Variants in MECOM observed in about 807,000 individuals in gnomAD.
MECOM encodes MDS1 and EVI1 complex locus.
A neutral mutation model predicts 116.3 loss-of-function variants in MECOM; 13 were observed. The observed-to-expected ratio is 0.11, with a 90% CI of 0.07 to 0.18. MECOM has a LOEUF of 0.18. MECOM is among the 10% of genes least tolerant of loss of function. The pLI is 1.00. For missense variants in MECOM, 1,299 were observed against 1,509.0 expected (o/e 0.86, Z 2.31); for synonymous variants, 528 against 535.2 (o/e 0.99, Z 0.19).
At chr3:169,123,802 A>G (rs752503891) in intron 5 of MECOM, among the ~76,000 whole-genome samples, 7 of 152,110 alleles carry the variant, frequency 4.6e-5, no homozygotes, top group Non-Finnish European at 7.4e-5. Context: ...ATGCCCACTG[A>G]CCAAAGGTGG....
At chr3:169,319,374 T>C (rs1035102509) in intron 2 of MECOM, among the ~76,000 whole-genome samples, 1 of 150,878 alleles carries the variant, frequency 6.6e-6, no homozygotes, top group Non-Finnish European at 1.5e-5. Flanking sequence ...AGTTGAACAA[T>C]GAGAACACAT....
intron 1 of MECOM, chr3:169,614,722 C>T (rs530289290): frequency 1.3e-5 from 2 of 151,764 alleles, no homozygotes; most frequent in East Asian, 1.9e-4. Context: ...AAAAAAAAGA[C>T]GGTCTCTCAC....
At chr3:169,577,228 C>T (rs1457216653) in intron 1 of MECOM, among the ~76,000 whole-genome samples, 1 of 152,194 alleles carries the variant, frequency 6.6e-6, no homozygotes, top group East Asian at 1.9e-4. Flanking sequence ...AAACTTAGTA[C>T]AGTGCCCAGC....
At chr3:169,167,522 T>C (rs140486489) in intron 2 of MECOM, among the ~76,000 whole-genome samples, 72 of 152,334 alleles carry the variant, frequency 4.7e-4, no homozygotes, top group African/African-American at 1.7e-3. Flanking sequence ...TTCTACACAA[T>C]AAACAACTCC....
chr3:169,576,830 C>CAGAGAG (rs1473772019), intron 1 of MECOM, among the ~76,000 whole-genome samples: 1 of 97,328 alleles, frequency 1.0e-5, no homozygotes, highest in Non-Finnish European at 2.3e-5. Flanking sequence ...CACACACACA[C>CAGAGAG]ACACACACAG....
chr3:169,098,751 C>A (rs1722556932), intron 12 of MECOM, among the ~76,000 whole-genome samples: 1 of 152,038 alleles, frequency 6.6e-6, no homozygotes, highest in South Asian at 2.1e-4. Context: ...TGGTCTTCAA[C>A]TCCTAGGTTT....
In MECOM at chr3:169,146,095, A is replaced by G. The variant is rs1739812118; in HGVS notation, c.376-2263T>C. The G allele has an allele frequency of 1.8e-5, 6 of 338,426 alleles. No homozygotes were observed. In the South Asian group the frequency reaches 6.2e-4, roughly 35 times the overall value. 21.0% of individuals were successfully genotyped at this position (338,426 alleles called of 1,614,324 possible). ...AACGACACATCTTCAGTCATTTCAT[A>G]TAACACACTCCTGTGTTTTTAAAAG... On this transcript the variant is annotated intron_variant, in intron 2 of 16. Coordinates refer to ENST00000651503, the MANE Select transcript of MECOM (RefSeq NM_004991.4).
intron 1 of MECOM, among the ~76,000 whole-genome samples, chr3:169,597,964 A>G (rs1161614367): frequency 6.6e-6 from 1 of 152,198 alleles, no homozygotes; most frequent in Non-Finnish European, 1.5e-5. Flanking sequence ...GCTGTAAATC[A>G]AGTAAACACA....
chr3:169,567,498 C>A (rs1419164225), intron 1 of MECOM, among the ~76,000 whole-genome samples: 1 of 152,094 alleles, frequency 6.6e-6, no homozygotes, highest in Non-Finnish European at 1.5e-5. Context: ...TAATATTGCC[C>A]TGAATAGGAG....
intron 2 of MECOM, chr3:169,149,470 G>T (rs1166183026): frequency 4.2e-6 from 1 of 239,198 alleles, no homozygotes; most frequent in Admixed American, 5.0e-5. Flanking sequence ...ATACTTGCAG[G>T]TACGGCAGGA....
chr3:169,117,381 A>G (rs946741550), intron 7 of MECOM, among the ~76,000 whole-genome samples: 4 of 152,230 alleles, frequency 2.6e-5, no homozygotes, highest in Non-Finnish European at 5.9e-5. Context: ...GATTTGAGAA[A>G]GACTGACATA....
At chr3:169,405,416 T>TA (rs1203285624) in intron 1 of MECOM, among the ~76,000 whole-genome samples, 3 of 152,088 alleles carry the variant, frequency 2.0e-5, no homozygotes, top group Admixed American at 6.5e-5. Context: ...TAATCCAAGC[T>TA]AAAAAAAAGA....
At chr3:169,134,733 A>G (rs889813619) in intron 3 of MECOM, among the ~76,000 whole-genome samples, 9 of 152,210 alleles carry the variant, frequency 5.9e-5, no homozygotes, top group African/African-American at 2.2e-4. Flanking sequence ...GCCCAAAAGT[A>G]TAATTTGAAT....
chr3:169,512,659 T>A (rs1270073633), intron 1 of MECOM, among the ~76,000 whole-genome samples: 6 of 152,236 alleles, frequency 3.9e-5, no homozygotes, highest in Admixed American at 1.3e-4. Context: ...ACTTATAATA[T>A]CTGATGAAAG....
chr3:169,135,329 C>T (rs1736032277), intron 3 of MECOM, among the ~76,000 whole-genome samples: 1 of 151,778 alleles, frequency 6.6e-6, no homozygotes, highest in South Asian at 2.1e-4. Flanking sequence ...TGAATATACC[C>T]CCAATAAATA....
At chr3:169,612,239 G>A (rs543902226) in intron 1 of MECOM, among the ~76,000 whole-genome samples, 24 of 152,252 alleles carry the variant, frequency 1.6e-4, no homozygotes, top group African/African-American at 3.9e-4. Context: ...AACATCAAAC[G>A]AAAATATGGA....
At chr3:169,649,990 G>T (rs982908189) in intron 1 of MECOM, among the ~76,000 whole-genome samples, 1 of 152,104 alleles carries the variant, frequency 6.6e-6, no homozygotes, top group Non-Finnish European at 1.5e-5. Flanking sequence ...GTAAAGGAAT[G>T]GGCTGAACTA....
intron 2 of MECOM, among the ~76,000 whole-genome samples, chr3:169,329,121 T>A (rs1259237409): frequency 6.6e-6 from 1 of 152,224 alleles, no homozygotes; most frequent in Non-Finnish European, 1.5e-5. Context: ...TGCACATAGA[T>A]TATCTTTGAA....
intron 1 of MECOM, among the ~76,000 whole-genome samples, chr3:169,612,593 C>G (rs1769422921): frequency 6.6e-6 from 1 of 151,876 alleles, no homozygotes; most frequent in South Asian, 2.1e-4. Context: ...ATCTCGTAAG[C>G]TTTGATGTCC....
Sources: gnomAD v4.1 joint callset for allele counts (sites outside exome capture counted in the v4.1 genomes callset) on GRCh38, gnomAD v4.1.1 for gene constraint, MANE v1.5 for transcripts, NCBI Gene and HGNC (gene_info 2026-07-23, HGNC 2026-07-21) for gene names.